The following TAGAP variants were observed in gnomAD, a reference collection of about 807,000 sequenced individuals.
TAGAP encodes the protein T cell activation RhoGTPase activating protein.
A neutral mutation model predicts 36.0 loss-of-function variants in TAGAP; 16 were observed. The ratio of observed to expected loss-of-function variants is 0.44; its 90% CI spans 0.30 to 0.68. The LOEUF (loss-of-function observed/expected upper bound fraction) is 0.68, where lower values mean the gene tolerates loss of function less well. Among genes scored for constraint, TAGAP ranks in the 30% least tolerant of loss-of-function variants. TAGAP has a pLI of 0.09. For missense variants in TAGAP, 794 were observed against 921.5 expected (o/e 0.86, Z 1.79); for synonymous variants, 372 against 377.4 (o/e 0.99, Z 0.17).
At chr6:159,039,823 C>T (rs752955811) in intron 7 of TAGAP, among the ~76,000 whole-genome samples, 13 of 152,112 alleles carry the variant, frequency 8.5e-5, no homozygotes, top group Admixed American at 2.0e-4. Context: ...TCATATAAGG[C>T]GGCACTTAAA....
chr6:159,044,430 A>G (rs780863591), intron 1 of TAGAP, among the ~76,000 whole-genome samples: 4 of 152,234 alleles, frequency 2.6e-5, no homozygotes, highest in African/African-American at 4.8e-5. Context: ...TCTGAACACA[A>G]TTATTTCTAA....
chr6:159,037,223 G>A lies in TAGAP; in HGVS notation c.899-99C>T, dbSNP rs1383142500. The A allele has an allele frequency of 7.1e-6, 8 of 1,131,334 alleles. No individual in the cohort carries two copies. The highest frequency in any genetic ancestry group is 4.0e-5 in the South Asian group (2 of 49,640). The allele number at this position is 1,131,334 out of a possible 1,614,324, so 70.1% of individuals were successfully genotyped here. ...TTTTCATTTTTTGAGATGGAGTCTC[G>A]GTTTGTTGCCCAGGCTGGAGTGCAG... On this transcript the variant is annotated intron_variant, in intron 9 of 9. Coordinates refer to ENST00000367066, the MANE Select transcript of TAGAP (RefSeq NM_054114.5). This position sits in a 1 kb window ranked among gnomAD's most constrained non-coding sequence, Gnocchi z 5.1.
At chr6:159,038,934 C>T in intron 8 of TAGAP, 180 bp downstream of exon 8, 2 of 1,439,590 alleles carry the variant, frequency 1.4e-6, no homozygotes, top group Non-Finnish European at 1.8e-6. Context: ...CGGATTTATT[C>T]AGTTTCATTA....
Position 159,036,073 on chromosome 6 carries a change from G to T in TAGAP, c.1950C>A (p.Gly650=), listed in dbSNP as rs999490089. 6.2e-7 allele frequency: 1 copy of T among 1,613,206 alleles called. No individual in the cohort carries two copies. Among genetic ancestry groups the T allele is most frequent in the South Asian group, 1.1e-5 (1 of 91,060 alleles). ...CGTGGCCAGGGAGTGGCTCTTTGCT[G>T]CCCCTGTGTCTTGAGTCCTCTACGT... ...AHHVEDSRHR[G]SKEPLPGHGL... The change falls in exon 10 of 10, where the codon GGC becomes GGA. Residue 650 remains glycine, a synonymous_variant. Coordinates refer to ENST00000367066, the MANE Select transcript of TAGAP (RefSeq NM_054114.5). The surrounding 1 kb of genome is among the most constrained non-coding windows in gnomAD (Gnocchi z 4.9).
rs1779758880 is a variant in TAGAP, at chr6:159,041,726, A to G, written c.316-211T>C. Reference sequence around the variant, plus strand: ...AATCACTTTGGAGCTCTCTCCTTTCAAATACTTCCATATGAACATTGGATT... The same window carrying G: ...AATCACTTTGGAGCTCTCTCCTTTCGAATACTTCCATATGAACATTGGATT... On this transcript the variant is annotated intron_variant, in intron 5 of 9. Coordinates refer to ENST00000367066, the MANE Select transcript of TAGAP (RefSeq NM_054114.5). The surrounding 1 kb of genome is among the most constrained non-coding windows in gnomAD (Gnocchi z 4.1). The G allele has an allele frequency of 8.6e-6, 5 of 578,548 alleles. No homozygotes were observed. Among genetic ancestry groups the G allele is most frequent in the Non-Finnish European group, 1.5e-5 (5 of 335,886 alleles). 35.8% of individuals were successfully genotyped at this position (578,548 alleles called of 1,614,324 possible).
At chr6:159,039,383 C>G in intron 7 of TAGAP, 74 bp from the exon 8 acceptor site, 1 of 1,484,496 alleles carries the variant, frequency 6.7e-7, no homozygotes, top group South Asian at 1.2e-5. Context: ...AGAGTTTCTG[C>G]CGAAACCAGA....
intron 8 of TAGAP, chr6:159,038,866 G>A (rs929606447): frequency 4.4e-6 from 6 of 1,349,686 alleles, no homozygotes; most frequent in African/African-American, 1.5e-5. Flanking sequence ...TTTTTATATC[G>A]GGAGAGAGTG....
Position 159,035,901 on chromosome 6 carries a change from A to G in TAGAP, c.2122T>C (p.Cys708Arg), listed in dbSNP as rs757784048. Residue 708 changes from cysteine to arginine, a missense_variant, in exon 10 of 10, where the codon TGT becomes CGT. By Grantham distance (180) the Cys-to-Arg change is radical. Coordinates refer to ENST00000367066, the MANE Select transcript of TAGAP (RefSeq NM_054114.5). Reference sequence around the variant, plus strand: ...GGCTGGCTACATCGTCGCACGAGACAGTCCCGCTTATTCCTCTGCACGGAC... The same window carrying G: ...GGCTGGCTACATCGTCGCACGAGACGGTCCCGCTTATTCCTCTGCACGGAC... The part of the protein sequence containing the change: ...SESVQRNKRD[C>R]LVRRCSQPVF... 1.9e-6 allele frequency: 3 copies of G among 1,613,912 alleles called. 1 individual carries two copies. In the South Asian group the frequency reaches 3.3e-5, roughly 18 times the overall value.
rs752343825 is a variant in TAGAP at position 159,036,675 on chromosome 6, C to G, written c.1348G>C (p.Val450Leu). Reference sequence around the variant, plus strand: ...TTGAGAACCAGTGCCCGCGGGAGCACCGAACCCGGGGCCAAGTTCTTGATC... The same window carrying G: ...TTGAGAACCAGTGCCCGCGGGAGCAGCGAACCCGGGGCCAAGTTCTTGATC... Reference protein sequence around the residue: ...LKIKNLAPGSVLPRALVLKAF... With the variant: ...LKIKNLAPGSLLPRALVLKAF... The change falls in exon 10 of 10, where the codon GTG becomes CTG. Residue 450 changes from valine to leucine, a missense_variant. Transcript: ENST00000367066. The surrounding 1 kb of genome is among the most constrained non-coding windows in gnomAD (Gnocchi z 4.9). 9.9e-6 allele frequency: 16 copies of G among 1,613,898 alleles called. No homozygotes were observed. Among genetic ancestry groups the G allele is most frequent in the African/African-American group, 2.7e-5 (2 of 74,932 alleles).
At chr6:159,043,733 G>A (rs1328263331) in intron 3 of TAGAP, 78 bp from the exon 4 acceptor site, 9 of 1,380,430 alleles carry the variant, frequency 6.5e-6, no homozygotes, top group Admixed American at 5.1e-5. Context: ...CACACATACA[G>A]CATTTTATTC....
intron 4 of TAGAP, 97 bp downstream of exon 4, chr6:159,043,492 A>C: frequency 8.6e-7 from 1 of 1,156,206 alleles, no homozygotes; most frequent in Non-Finnish European, 1.3e-6. Context: ...ACTTATACAA[A>C]AAAATTCCTA....
chr6:159,035,962 C>T lies in TAGAP; in HGVS notation c.2061G>A (p.Gly687=), dbSNP rs1173819328. ...TCCTCAGCGGGAGGAGCTCAGGTCT[C>T]CCTGGGCCAGACACGTGCCCCAGAG... is the stretch of plus-strand genomic sequence containing the variant. ...GDSLGHVSGP[G]RPELLPLRTV... Residue 687 remains glycine (G), a synonymous_variant, in exon 10 of 10, where the codon GGG becomes GGA. Coordinates refer to ENST00000367066, the MANE Select transcript of TAGAP (RefSeq NM_054114.5). 1.2e-6 allele frequency: 2 copies of T among 1,614,082 alleles called. No homozygotes were observed. The highest frequency in any genetic ancestry group is 1.7e-6 in the Non-Finnish European group (2 of 1,180,032).
At chr6:159,043,947 A>C in intron 3 of TAGAP, 31 bp downstream of exon 3, 1 of 1,590,682 alleles carries the variant, frequency 6.3e-7, no homozygotes. Flanking sequence ...CTCACAGTAC[A>C]GATAAAAAGT....
chr6:159,037,799 A>G lies in TAGAP; in HGVS notation c.898+315T>C, dbSNP rs1562585398. On this transcript the variant is annotated intron_variant, in intron 9 of 9. Transcript: ENST00000367066. This position sits in a 1 kb window ranked among gnomAD's most constrained non-coding sequence, Gnocchi z 5.1. ...ACTGGACCCATTTTCATTGTGATGG[A>G]GTCATATCCCATGAAGTGGAAACAA... is the stretch of plus-strand genomic sequence containing the variant. Among the ~76,000 whole-genome samples, 1 of 152,168 alleles carries G rather than the reference A, an allele frequency of 6.6e-6. No homozygotes were observed. The highest frequency in any genetic ancestry group is 1.5e-5 in the Non-Finnish European group (1 of 68,030).
Position 159,037,093 on chromosome 6 carries a change from G to T in TAGAP, c.930C>A (p.Tyr310Ter). The T allele has an allele frequency of 6.2e-7, 1 of 1,611,646 alleles. No homozygotes were observed. The highest frequency in any genetic ancestry group is 8.5e-7 in the Non-Finnish European group (1 of 1,180,006). Residue 310 changes from tyrosine (Y) to a stop codon, truncating the protein, a stop_gained, in exon 10 of 10, where the codon TAC (tyrosine) becomes TAA (stop). Transcript: ENST00000367066. LOFTEE classifies it low-confidence loss of function (END_TRUNC). The surrounding 1 kb of genome is among the most constrained non-coding windows in gnomAD (Gnocchi z 5.1). ...DVSTLQNDSA[Y>*]DSNDPDVESN... ...ATTCCACATCAGGGTCGTTGCTGTC[G>T]TAGGCTGAGTCATTCTGCAGGGTCG...
chr6:159,036,979 C>T lies in TAGAP; in HGVS notation c.1044G>A (p.Gln348=), dbSNP rs752343253. ...TAAGLDSAGP[Q]DAREVSPEPI... is the part of the protein sequence containing the mutation. ...GCTCTGGGCTGACCTCTCGGGCATC[C>T]TGTGGGCCCGCGCTATCCAAGCCAG... The change falls in exon 10 of 10, where the codon CAG becomes CAA. Residue 348 remains glutamine, a synonymous_variant. Coordinates refer to ENST00000367066, the MANE Select transcript of TAGAP (RefSeq NM_054114.5). The surrounding 1 kb of genome is among the most constrained non-coding windows in gnomAD (Gnocchi z 4.9). 4.8e-5 allele frequency: 77 copies of T among 1,613,614 alleles called. No individual in the cohort carries two copies. The Admixed American group carries it at 1.3e-3, about 27-fold the overall frequency.
rs367780498 is a variant in TAGAP, at chr6:159,035,802, T to C, written c.*25A>G. On this transcript the variant is annotated 3_prime_UTR_variant, in exon 10 of 10. Coordinates refer to ENST00000367066, the MANE Select transcript of TAGAP (RefSeq NM_054114.5). ...TCTCATATTTACAGATAGCACAAGCTATGGCATGGCGTATGGCCTCCCTCC... is the reference window on the plus strand; with the variant it reads ...TCTCATATTTACAGATAGCACAAGCCATGGCATGGCGTATGGCCTCCCTCC... The C allele has an allele frequency of 4.7e-5, 73 of 1,565,146 alleles. No homozygotes were observed. Among genetic ancestry groups the C allele is most frequent in the Non-Finnish European group, 6.2e-5 (71 of 1,147,540 alleles).
In TAGAP at chr6:159,035,908, C is replaced by T. The variant is rs1250928137; in HGVS notation, c.2115G>A (p.Lys705=). ...RTVSESVQRN[K]RDCLVRRCSQ... Reference sequence around the variant, plus strand: ...TACATCGTCGCACGAGACAGTCCCGCTTATTCCTCTGCACGGACTCGGAGA... The same window carrying T: ...TACATCGTCGCACGAGACAGTCCCGTTTATTCCTCTGCACGGACTCGGAGA... The change falls in exon 10 of 10, where the codon AAG becomes AAA. Residue 705 remains lysine (K), a synonymous_variant. Coordinates refer to ENST00000367066, the MANE Select transcript of TAGAP (RefSeq NM_054114.5). 6.2e-7 allele frequency: 1 copy of T among 1,613,992 alleles called. No homozygotes were observed. The highest frequency in any genetic ancestry group is 2.2e-5 in the East Asian group (1 of 44,878).
In TAGAP at chr6:159,037,744, T is replaced by C. The variant is rs908633606; in HGVS notation, c.898+370A>G. On this transcript the variant is annotated intron_variant, in intron 9 of 9. Coordinates refer to ENST00000367066, the MANE Select transcript of TAGAP (RefSeq NM_054114.5). This position sits in a 1 kb window ranked among gnomAD's most constrained non-coding sequence, Gnocchi z 5.1. ...AGAACAGCATTTCACTGAAAATGTA[T>C]TGACCTTAATTTTTAAAACTGCTCC... 3.3e-5 allele frequency among the ~76,000 whole-genome samples: 5 copies of C among 152,210 alleles called. No homozygotes were observed. The highest frequency in any genetic ancestry group is 1.3e-4 in the Admixed American group (2 of 15,290).
Sources: gnomAD v4.1 joint callset for allele counts (sites outside exome capture counted in the v4.1 genomes callset) on GRCh38, gnomAD v4.1.1 for gene constraint, Gnocchi (gnomAD v3.1) non-coding constraint, MANE v1.5 for transcripts, NCBI Gene and HGNC (gene_info 2026-07-23, HGNC 2026-07-21) for gene names.